VSIG2: variants seen among roughly 807,000 people sequenced by gnomAD.
The protein encoded by VSIG2 is V-set and immunoglobulin domain containing 2.
Under a neutral mutation model 29.4 loss-of-function variants are expected in VSIG2, and 30 were observed. The observed-to-expected ratio is 1.02, with a 90% confidence interval of 0.76 to 1.38. The LOEUF (loss-of-function observed/expected upper bound fraction) is 1.38. Ranked by LOEUF, VSIG2 falls within the 40% of genes most tolerant of loss-of-function variation. The pLI is 0.00. For missense variants in VSIG2, 421 were observed against 400.8 expected (o/e 1.05, Z -0.43); for synonymous variants, 178 against 174.2 (o/e 1.02, Z -0.17).
chr11:124,748,190 C>G, intron 6 of VSIG2, 200 bp downstream of exon 6: 1 of 565,110 alleles, frequency 1.8e-6, no homozygotes, highest in Non-Finnish European at 3.0e-6. Context: ...GCTTGTGGAC[C>G]AGCCACTCCA....
At chr11:124,748,591 G>A (rs1445312818) in intron 5 of VSIG2, 53 bp downstream of exon 5, 8 of 1,606,682 alleles carry the variant, frequency 5.0e-6, no homozygotes, top group Middle Eastern at 1.7e-4. Context: ...CCCACCAGCC[G>A]ACAGCTTCCC....
In VSIG2 at chr11:124,749,752, C is replaced by T. The variant is rs148389397; in HGVS notation, c.542G>A (p.Arg181His). The change falls in exon 4 of 7, where the codon CGT becomes CAT. Residue 181 changes from arginine (R) to histidine (H), a missense_variant. By Grantham distance (29) the Arg-to-His change is conservative. Coordinates refer to ENST00000326621, the MANE Select transcript of VSIG2 (RefSeq NM_014312.5). Reference sequence around the variant, plus strand: ...AGAAGGTGTAGGAAAAGTTCCAAGACGCACCCAGTTGTACACTGGCTTAGG... The same window carrying T: ...AGAAGGTGTAGGAAAAGTTCCAAGATGCACCCAGTTGTACACTGGCTTAGG... ...GAPKPVYNWV[R>H]LGTFPTPSPG... The T allele has an allele frequency of 2.4e-4, 386 of 1,613,656 alleles. 1 individual carries two copies. The highest frequency in any genetic ancestry group is 3.3e-4 in the Middle Eastern group (2 of 6,058).
At chr11:124,751,995 G>T (rs1188237796) in intron 1 of VSIG2, 82 bp downstream of exon 1, 8 of 1,433,676 alleles carry the variant, frequency 5.6e-6, no homozygotes, top group South Asian at 1.4e-5. Context: ...GGCCTGGCGG[G>T]GACAGAGTGG....
In VSIG2 at chr11:124,748,567, C is replaced by T. The variant is rs200188945; in HGVS notation, c.707-33G>A. 1.6e-4 allele frequency: 253 copies of T among 1,609,828 alleles called. No homozygotes were observed. The African/African-American group carries it at 2.6e-3, about 16-fold the overall frequency. ...GATACAGGACCCTCACTCAGAATTG[C>T]AGGCTTTCCTCGGCCCACCAGCCGA... is the stretch of plus-strand genomic sequence containing the variant. On this transcript the variant is annotated intron_variant, in intron 5 of 6. Coordinates refer to ENST00000326621, the MANE Select transcript of VSIG2 (RefSeq NM_014312.5).
In VSIG2 at chr11:124,749,757, C is replaced by G. The variant is rs1944057834; in HGVS notation, c.537G>C (p.Trp179Cys). The change falls in exon 4 of 7, where the codon TGG (tryptophan) becomes TGC (cysteine). Residue 179 changes from tryptophan (W) to cysteine (C), a missense_variant. Trp to Cys is a radical substitution (Grantham distance 215). Transcript: ENST00000326621. ...GTGTAGGAAAAGTTCCAAGACGCAC[C>G]CAGTTGTACACTGGCTTAGGAGCCC... ...SEGAPKPVYN[W>C]VRLGTFPTPS... is the part of the protein sequence containing the mutation. 11 of 1,613,580 alleles carry G rather than the reference C, an allele frequency of 6.8e-6. No individual in the cohort carries two copies. Among genetic ancestry groups the G allele is most frequent in the Non-Finnish European group, 9.3e-6 (11 of 1,179,924 alleles).
In VSIG2 at chr11:124,749,767, A is replaced by C. The variant is rs1341951583; in HGVS notation, c.527T>G (p.Val176Gly). Residue 176 changes from valine to glycine, a missense_variant, in exon 4 of 7, where the codon GTG (valine) becomes GGG (glycine). By Grantham distance (109) the Val-to-Gly change is moderately radical. Coordinates refer to ENST00000326621, the MANE Select transcript of VSIG2 (RefSeq NM_014312.5). ...CSSSEGAPKP[V>G]YNWVRLGTFP... is the part of the protein sequence containing the mutation. ...AGTTCCAAGACGCACCCAGTTGTACACTGGCTTAGGAGCCCCCTCGGAAGA... is the reference window on the plus strand; with the variant it reads ...AGTTCCAAGACGCACCCAGTTGTACCCTGGCTTAGGAGCCCCCTCGGAAGA... The C allele has an allele frequency of 6.2e-7, 1 of 1,611,912 alleles. No homozygotes were observed. The highest frequency in any genetic ancestry group is 1.7e-5 in the Admixed American group (1 of 59,700).
At chr11:124,747,977 A>G in intron 6 of VSIG2, 1 of 372,618 alleles carries the variant, frequency 2.7e-6, no homozygotes, top group Admixed American at 4.6e-5. Context: ...TGACAGAGGC[A>G]GTTTCCCCTC....
intron 6 of VSIG2, chr11:124,748,035 C>T: frequency 2.7e-6 from 1 of 364,562 alleles, no homozygotes. Context: ...GCTGACTGCT[C>T]AGGACAAATC....
In VSIG2 at chr11:124,748,763, T is replaced by C; in HGVS notation, c.587A>G (p.Asp196Gly). 6.2e-7 allele frequency: 1 copy of C among 1,614,126 alleles called. No homozygotes were observed. Among genetic ancestry groups the C allele is most frequent in the South Asian group, 1.1e-5 (1 of 91,072 alleles). The change falls in exon 5 of 7, where the codon GAT becomes GGT. Residue 196 changes from aspartate to glycine, a missense_variant and splice_region_variant. Physicochemically the swap from Asp to Gly is moderately conservative, Grantham distance 94. Coordinates refer to ENST00000326621, the MANE Select transcript of VSIG2 (RefSeq NM_014312.5). ...GAGAATGAGCTGGCCAGACACCTCA[T>C]CTAGAGGATGAAGAGGAAGTGTTCC... The part of the protein sequence containing the change: ...PTPSPGSMVQ[D>G]EVSGQLILTN...
chr11:124,751,711 A>G (rs1422157758), intron 1 of VSIG2, 131 bp from the exon 2 acceptor site: 4 of 1,025,754 alleles, frequency 3.9e-6, no homozygotes, highest in Non-Finnish European at 5.4e-6. Flanking sequence ...CCTCAATCCA[A>G]CCCCTCCCTT....
In VSIG2 at chr11:124,748,648, C is replaced by T. The variant is rs527352600; in HGVS notation, c.702G>A (p.Val234=). The T allele has an allele frequency of 1.4e-5, 23 of 1,612,650 alleles. No individual in the cohort carries two copies. In the South Asian group the frequency reaches 2.5e-4, roughly 18 times the overall value. Residue 234 remains valine, a synonymous_variant, in exon 5 of 7, where the codon GTG becomes GTA. Coordinates refer to ENST00000326621, the MANE Select transcript of VSIG2 (RefSeq NM_014312.5). ...GCCTCCACCCAGCATCCCTACCGGT[C>T]ACAGAGAGGGTCAGCTCACAGGATG... The part of the protein sequence containing the change: ...GSASCELTLS[V]TEPSQGRVAG...
Position 124,752,181 on chromosome 11 carries a change from T to C in VSIG2, c.-44A>G. 1.3e-6 allele frequency: 2 copies of C among 1,514,958 alleles called. No homozygotes were observed. The highest frequency in any genetic ancestry group is 1.8e-6 in the Non-Finnish European group (2 of 1,137,122). The allele number at this position is 1,514,958 out of a possible 1,614,324, so 93.8% of individuals were successfully genotyped here. On this transcript the variant is annotated 5_prime_UTR_variant, in exon 1 of 7. Coordinates refer to ENST00000326621, the MANE Select transcript of VSIG2 (RefSeq NM_014312.5). Reference sequence around the variant, plus strand: ...TGTCCTGCTCCTGCCAGGTGGGCGGTCAAGGTCGGTCTGGGTGTCGGGCAG... The same window carrying C: ...TGTCCTGCTCCTGCCAGGTGGGCGGCCAAGGTCGGTCTGGGTGTCGGGCAG...
At chr11:124,747,820 A>G (rs1036334428) in intron 6 of VSIG2, among the ~76,000 whole-genome samples, 153 bp from the exon 7 acceptor site, 28 of 152,308 alleles carry the variant, frequency 1.8e-4, no homozygotes, top group Admixed American at 3.9e-4. Flanking sequence ...TCACTCCCCA[A>G]CGCACAACTA....
chr11:124,748,342 C>A, intron 6 of VSIG2, 48 bp downstream of exon 6: 1 of 1,554,200 alleles, frequency 6.4e-7, no homozygotes, highest in Non-Finnish European at 8.7e-7. Context: ...GCTTTTAACT[C>A]AAGCCCTTTC....
At chr11:124,749,962 A>G in intron 3 of VSIG2, 96 bp from the exon 4 acceptor site, 1 of 1,344,584 alleles carries the variant, frequency 7.4e-7, no homozygotes, top group Non-Finnish European at 9.8e-7. Context: ...TCTCTACTTC[A>G]ATACCCCTAT....
At chr11:124,748,007 A>G (rs1944036173) in intron 6 of VSIG2, 1 of 359,794 alleles carries the variant, frequency 2.8e-6, no homozygotes, top group South Asian at 4.4e-5. Context: ...GATTTCCTCC[A>G]CAGAAGAATT....
rs1944085824 is a variant in VSIG2, at chr11:124,751,485, C to T, written c.157G>A (p.Asp53Asn). Reference protein sequence around the residue: ...LTCTYSTSVGDSFALEWSFVQ... With the variant: ...LTCTYSTSVGNSFALEWSFVQ... Reference sequence around the variant, plus strand: ...AAGCTCCACTCCAGGGCGAAGCTGTCTCCCACCGACGTGCTGTAGGTGCAG... The same window carrying T: ...AAGCTCCACTCCAGGGCGAAGCTGTTTCCCACCGACGTGCTGTAGGTGCAG... Residue 53 changes from aspartate (D) to asparagine (N), a missense_variant, in exon 2 of 7, where the codon GAC becomes AAC. By Grantham distance (23) the Asp-to-Asn change is conservative. Transcript: ENST00000326621. 6.2e-7 allele frequency: 1 copy of T among 1,613,226 alleles called. No individual in the cohort carries two copies. Among genetic ancestry groups the T allele is most frequent in the Middle Eastern group, 1.6e-4 (1 of 6,062 alleles).
At position 124,749,870 on chromosome 11, in the gene VSIG2, CAAAAAA is replaced by C. The variant is rs757471583; in HGVS notation, c.428-10_428-5del. On this transcript the variant is annotated splice_polypyrimidine_tract_variant and splice_region_variant and intron_variant, in intron 3 of 6. Transcript: ENST00000326621. ...CATAAGGGATTACTGGGGGGAACTG[CAAAAAA>C]AAAAAAAAAAAAAAAAAAACAGAAA... 4.3e-4 allele frequency: 338 copies of C among 780,022 alleles called. No individual in the cohort carries two copies. Among genetic ancestry groups the C allele is most frequent in the African/African-American group, 1.4e-3 (34 of 24,062 alleles). The allele number at this position is 780,022 out of a possible 1,614,324, so 48.3% of individuals were successfully genotyped here.
Position 124,750,910 on chromosome 11 carries a change from G to A in VSIG2, c.231C>T (p.Phe77=), listed in dbSNP as rs1944077927. The A allele has an allele frequency of 6.2e-7, 1 of 1,614,086 alleles. No individual in the cohort carries two copies. The highest frequency in any genetic ancestry group is 2.2e-5 in the East Asian group (1 of 44,876). The part of the protein sequence containing the change: ...PISESHPILY[F]TNGHLYPTGS... ...CAGTTGGATACAGATGGCCATTGGT[G>A]AAGTACAGGATCTGGGGAGAGGCAG... is the stretch of plus-strand genomic sequence containing the variant. Residue 77 remains phenylalanine, a synonymous_variant, in exon 3 of 7, where the codon TTC becomes TTT. Coordinates refer to ENST00000326621, the MANE Select transcript of VSIG2 (RefSeq NM_014312.5).
Sources: gnomAD v4.1 joint callset for allele counts (sites outside exome capture counted in the v4.1 genomes callset) on GRCh38, gnomAD v4.1.1 for gene constraint, MANE v1.5 for transcripts, NCBI Gene and HGNC (gene_info 2026-07-23, HGNC 2026-07-21) for gene names.